The following CDH12 variants were observed in gnomAD, a reference collection of about 807,000 sequenced individuals.
CDH12 encodes cadherin 12.
CDH12 carries 41 observed loss-of-function variants against 74.1 expected under a neutral mutation model. The ratio of observed to expected loss-of-function variants is 0.55; its 90% CI spans 0.43 to 0.72. The LOEUF is 0.72. Among genes scored for constraint, CDH12 ranks in the 30% least tolerant of loss-of-function variants. The probability of loss-of-function intolerance (pLI) is 0.00; values close to 1 mark genes in which losing one functional copy is unlikely to be tolerated. For synonymous variants in CDH12, 399 were observed against 355.0 expected (o/e 1.12, Z -1.39); for missense variants, 945 against 977.2 (o/e 0.97, Z 0.44).
chr5:22,347,525 C>T (rs868610533), intron 3 of CDH12, among the ~76,000 whole-genome samples: 11 of 152,164 alleles, frequency 7.2e-5, no homozygotes, highest in African/African-American at 2.4e-4. Flanking sequence ...TGCCGCCTGG[C>T]TTCCTTGCTC....
chr5:22,094,748 T>C (rs893205618), intron 4 of CDH12, among the ~76,000 whole-genome samples: 1 of 152,130 alleles, frequency 6.6e-6, no homozygotes. Context: ...CCCTGTGACC[T>C]GCACATACAC....
chr5:22,334,802 G>A, intron 3 of CDH12, among the ~76,000 whole-genome samples: 1 of 152,142 alleles, frequency 6.6e-6, no homozygotes, highest in East Asian at 1.9e-4. Flanking sequence ...TCCATATGCT[G>A]AAGAAAGAAA....
At position 21,830,199 on chromosome 5, in the gene CDH12, CAAAAAAAAAAAAAAA is replaced by C. The variant is rs1055199877; in HGVS notation, c.814+11947_814+11961del. ...GGGTGACAACAGTGAAACTCCTTCT[CAAAAAAAAAAAAAAA>C]AAAAAAAAAAAAAAAAGAAATGCTT... On this transcript the variant is annotated intron_variant, in intron 8 of 14. Coordinates refer to ENST00000382254, the MANE Select transcript of CDH12 (RefSeq NM_004061.5). Among the ~76,000 whole-genome samples the C allele has an allele frequency of 1.4e-3, 35 of 25,250 alleles. 1 individual carries two copies. Among genetic ancestry groups the C allele is most frequent in the African/African-American group, 4.2e-3 (35 of 8,270 alleles). 16.6% of individuals were successfully genotyped at this position (25,250 alleles called of 152,430 possible).
At position 22,176,049 on chromosome 5, in the gene CDH12, C is replaced by T. The variant is rs188426107; in HGVS notation, c.-187+36449G>A. 2.0e-3 allele frequency among the ~76,000 whole-genome samples: 310 copies of T among 152,270 alleles called. 4 individuals are homozygous for T. The highest frequency in any genetic ancestry group is 4.6e-4 in the Non-Finnish European group (31 of 68,022). ...CAGTCCAGCTCAATCTGCTTTAACA[C>T]GTCTCTATGGATTATTGAGCAACTG... On this transcript the variant is annotated intron_variant, in intron 4 of 14. Coordinates refer to ENST00000382254, the MANE Select transcript of CDH12 (RefSeq NM_004061.5).
chr5:21,893,322 C>T (rs1752976885), intron 6 of CDH12, among the ~76,000 whole-genome samples: 1 of 151,942 alleles, frequency 6.6e-6, no homozygotes. Flanking sequence ...AAAACAGGGC[C>T]ACAATAAAAG....
At chr5:21,797,912 C>T (rs975152426) in intron 10 of CDH12, among the ~76,000 whole-genome samples, 5 of 152,010 alleles carry the variant, frequency 3.3e-5, no homozygotes, top group Non-Finnish European at 7.4e-5. Context: ...CAAAATACAA[C>T]AAACAGTAAA....
chr5:22,451,850 C>A (rs1457867736), intron 2 of CDH12, among the ~76,000 whole-genome samples: 8 of 151,622 alleles, frequency 5.3e-5, no homozygotes, highest in Admixed American at 5.3e-4. Context: ...GTAGACTCCA[C>A]TAATAGAATT....
intron 4 of CDH12, among the ~76,000 whole-genome samples, chr5:22,097,330 G>T (rs760796164): frequency 6.6e-6 from 1 of 152,128 alleles, no homozygotes; most frequent in Non-Finnish European, 1.5e-5. Flanking sequence ...GACACTGCCC[G>T]ATCGCCTCAG....
At position 22,557,041 on chromosome 5, in the gene CDH12, A is replaced by T. The variant is rs573542363; in HGVS notation, c.-522-51677T>A. ...CTACTAGTTCTCTCTTGGCTTAAAA[A>T]CTCTCCCACCTTTTGTTCCAGGCTA... On this transcript the variant is annotated intron_variant, in intron 1 of 14. Coordinates refer to ENST00000382254, the MANE Select transcript of CDH12 (RefSeq NM_004061.5). Among the ~76,000 whole-genome samples, 7 of 149,064 alleles carry T rather than the reference A, an allele frequency of 4.7e-5. No individual in the cohort carries two copies. The South Asian group carries it at 8.5e-4, about 18-fold the overall frequency.
intron 5 of CDH12, among the ~76,000 whole-genome samples, chr5:22,025,306 C>T (rs969385210): frequency 6.6e-6 from 1 of 152,054 alleles, no homozygotes; most frequent in East Asian, 1.9e-4. Flanking sequence ...TTCAGTTTTA[C>T]ACCCAGTGTA....
At chr5:21,883,048 C>T in intron 6 of CDH12, 1 of 1,610,346 alleles carries the variant, frequency 6.2e-7, no homozygotes, top group Non-Finnish European at 8.5e-7. Context: ...GCTGTAATTG[C>T]TGAACTTAAA....
At chr5:22,774,728 T>C (rs1746996684) in intron 1 of CDH12, among the ~76,000 whole-genome samples, 1 of 152,094 alleles carries the variant, frequency 6.6e-6, no homozygotes. Flanking sequence ...CCTCTTTTTC[T>C]GTATAAATTA....
intron 1 of CDH12, among the ~76,000 whole-genome samples, chr5:22,669,505 C>CCT (rs1740796334): frequency 6.6e-6 from 1 of 152,156 alleles, no homozygotes; most frequent in Admixed American, 6.5e-5. Context: ...CAAAAGGCTA[C>CCT]GTTTCCTGGC....
rs1431399006 is a variant in CDH12 at position 22,154,543 on chromosome 5, ATATGTG to A, written c.-187+57949_-187+57954del. ...TATATATACACATATGTATATATGT[ATATGTG>A]TACACATATATATACACATATGTAT... On this transcript the variant is annotated intron_variant, in intron 4 of 14. Coordinates refer to ENST00000382254, the MANE Select transcript of CDH12 (RefSeq NM_004061.5). Among the ~76,000 whole-genome samples the A allele has an allele frequency of 5.4e-5, 8 of 147,892 alleles. No homozygotes were observed. In the East Asian group the frequency reaches 1.2e-3, roughly 22 times the overall value.
chr5:22,677,001 A>G (rs1204331566), intron 1 of CDH12, among the ~76,000 whole-genome samples: 1 of 152,166 alleles, frequency 6.6e-6, no homozygotes, highest in Non-Finnish European at 1.5e-5. Context: ...AGTTTCTTCT[A>G]CTTTAATAAT....
At chr5:21,784,118 T>C (rs1746070164) in intron 10 of CDH12, among the ~76,000 whole-genome samples, 2 of 152,122 alleles carry the variant, frequency 1.3e-5, no homozygotes, top group Non-Finnish European at 2.9e-5. Context: ...GATAATGATG[T>C]CTCTTTATCT....
intron 10 of CDH12, among the ~76,000 whole-genome samples, chr5:21,791,452 TA>T (rs1347996548): frequency 2.0e-5 from 3 of 151,998 alleles, no homozygotes; most frequent in Non-Finnish European, 4.4e-5. Context: ...AATCTAAGGA[TA>T]AAATATTATT....
At chr5:22,480,633 C>T (rs761157307) in intron 2 of CDH12, among the ~76,000 whole-genome samples, 1 of 151,152 alleles carries the variant, frequency 6.6e-6, no homozygotes, top group Non-Finnish European at 1.5e-5. Flanking sequence ...CAATAGTGTC[C>T]AAAGGACACA....
intron 4 of CDH12, among the ~76,000 whole-genome samples, chr5:22,176,560 A>G (rs1749348495): frequency 1.3e-5 from 2 of 152,052 alleles, no homozygotes; most frequent in African/African-American, 4.8e-5. Flanking sequence ...ATCTATTCCA[A>G]TAGCAGAGTC....
Sources: allele counts gnomAD v4.1 joint callset (sites outside exome capture counted in the v4.1 genomes callset), GRCh38; gene constraint gnomAD v4.1.1; transcripts MANE v1.5; gene names NCBI Gene and HGNC (gene_info 2026-07-23, HGNC 2026-07-21).